The following ZRANB3 variants were observed in gnomAD, a reference collection of about 807,000 sequenced individuals.
ZRANB3 encodes the protein DNA annealing helicase and endonuclease ZRANB3.
A neutral mutation model predicts 133.8 loss-of-function variants in ZRANB3; 125 were observed. That is an observed-to-expected ratio of 0.93 (90% CI 0.81 to 1.08). ZRANB3 has a LOEUF of 1.08. Among genes scored for constraint, ZRANB3 ranks in the 50% least tolerant of loss-of-function variants. ZRANB3 has a pLI of 0.00. For missense variants in ZRANB3, 1,229 were observed against 1,275.5 expected (o/e 0.96, Z 0.56); for synonymous variants, 387 against 432.7 (o/e 0.89, Z 1.31).
At chr2:135,229,698 A>G (rs1422438264) in intron 13 of ZRANB3, among the ~76,000 whole-genome samples, 2 of 152,184 alleles carry the variant, frequency 1.3e-5, no homozygotes, top group African/African-American at 4.8e-5. Context: ...TGTATGATGC[A>G]AAATTAGATG....
At chr2:135,353,413 A>G (rs1685294114) in intron 4 of ZRANB3, 37 bp downstream of exon 4, 2 of 1,444,218 alleles carry the variant, frequency 1.4e-6, no homozygotes, top group East Asian at 4.9e-5. Flanking sequence ...CACACAAGGA[A>G]GACTTTTCTC....
At chr2:135,481,751 A>T (rs374762834) in intron 2 of ZRANB3, among the ~76,000 whole-genome samples, 1 of 148,508 alleles carries the variant, frequency 6.7e-6, no homozygotes, top group Non-Finnish European at 1.5e-5. Flanking sequence ...GGTTTTAGGT[A>T]TAACGTTTAA....
chr2:135,341,969 C>T (rs776120545), intron 6 of ZRANB3, among the ~76,000 whole-genome samples: 2 of 150,014 alleles, frequency 1.3e-5, no homozygotes, highest in African/African-American at 2.5e-5. Context: ...TAGTTTCACC[C>T]TGGCCTTATG....
chr2:135,462,135 T>C (rs1421659112), intron 2 of ZRANB3, among the ~76,000 whole-genome samples: 2 of 152,198 alleles, frequency 1.3e-5, no homozygotes, highest in Admixed American at 1.3e-4. Context: ...TACACATTCA[T>C]ACATATATAT....
At chr2:135,328,387 T>G (rs1346698793) in intron 6 of ZRANB3, among the ~76,000 whole-genome samples, 1 of 152,160 alleles carries the variant, frequency 6.6e-6, no homozygotes, top group South Asian at 2.1e-4. Context: ...GCAAAGGACA[T>G]GAACTCATCC....
At chr2:135,277,824 C>A (rs1300490159) in intron 8 of ZRANB3, among the ~76,000 whole-genome samples, 1 of 151,148 alleles carries the variant, frequency 6.6e-6, no homozygotes, top group Non-Finnish European at 1.5e-5. Flanking sequence ...ACTTGGGAGG[C>A]TGAGGCAGGA....
chr2:135,256,591 G>A (rs1473277627), intron 12 of ZRANB3, among the ~76,000 whole-genome samples: 4 of 152,146 alleles, frequency 2.6e-5, no homozygotes, highest in Non-Finnish European at 4.4e-5. Context: ...GTCTCCCAAA[G>A]TGCTGGGATT....
chr2:135,206,413 T>C (rs999337125), intron 19 of ZRANB3, among the ~76,000 whole-genome samples: 6 of 151,920 alleles, frequency 3.9e-5, no homozygotes, highest in Admixed American at 2.0e-4. Flanking sequence ...TAATTTTTTA[T>C]ACTTTTAGTA....
chr2:135,296,702 G>A (rs1396560113), intron 8 of ZRANB3, among the ~76,000 whole-genome samples: 1 of 152,094 alleles, frequency 6.6e-6, no homozygotes, highest in Non-Finnish European at 1.5e-5. Flanking sequence ...CCCCATTTTT[G>A]TGGTTTTATC....
At chr2:135,206,242 C>CTT (rs765946694) in intron 19 of ZRANB3, among the ~76,000 whole-genome samples, 2 of 144,192 alleles carry the variant, frequency 1.4e-5, no homozygotes, top group Non-Finnish European at 3.1e-5. Flanking sequence ...CTATAAAATA[C>CTT]TTTTTTTTTT....
Position 135,462,605 on chromosome 2 carries a change from C to CT in ZRANB3, c.161+41723dup, listed in dbSNP as rs1187115728. 1.6e-3 allele frequency among the ~76,000 whole-genome samples: 214 copies of CT among 134,186 alleles called. 1 individual carries two copies. The highest frequency in any genetic ancestry group is 4.8e-3 in the African/African-American group (173 of 35,780). The allele number at this position is 134,186 out of a possible 152,430, so 88.0% of individuals were successfully genotyped here. A position where few individuals can be genotyped will look rare whatever the true frequency, so the allele number is the denominator to read the frequency against. On this transcript the variant is annotated intron_variant, in intron 2 of 20. Transcript: ENST00000264159. ...TCCCTCTCTCTCTCTTTTTCTTTTTCTTTTTTTTTTTCAGTCTCCCTCTTT... is the reference window on the plus strand; with the variant it reads ...TCCCTCTCTCTCTCTTTTTCTTTTTCTTTTTTTTTTTTCAGTCTCCCTCTTT...
intron 14 of ZRANB3, among the ~76,000 whole-genome samples, chr2:135,226,671 C>T (rs1694772538): frequency 1.3e-5 from 2 of 152,182 alleles, no homozygotes; most frequent in Non-Finnish European, 2.9e-5. Flanking sequence ...CAATACTTCC[C>T]TGCCATAGAT....
At chr2:135,278,018 A>G (rs1358275110) in intron 8 of ZRANB3, among the ~76,000 whole-genome samples, 1 of 152,094 alleles carries the variant, frequency 6.6e-6, no homozygotes, top group African/African-American at 2.4e-5. Flanking sequence ...TATGAATAAT[A>G]AAAGTCTCAG....
At chr2:135,260,923 A>T (rs1373124910) in intron 12 of ZRANB3, among the ~76,000 whole-genome samples, 6 of 146,282 alleles carry the variant, frequency 4.1e-5, no homozygotes, top group Non-Finnish European at 9.0e-5. Flanking sequence ...ATATATAAAG[A>T]TTTTGTATTT....
chr2:135,298,318 G>A (rs1682255476), intron 8 of ZRANB3, among the ~76,000 whole-genome samples: 3 of 152,122 alleles, frequency 2.0e-5, no homozygotes, highest in Admixed American at 2.0e-4. Flanking sequence ...TTCTTTTTCT[G>A]GCACTTCAGA....
chr2:135,442,029 TATATAA>T (rs1689803547), intron 2 of ZRANB3, among the ~76,000 whole-genome samples: 1 of 152,098 alleles, frequency 6.6e-6, no homozygotes, highest in South Asian at 2.1e-4. Flanking sequence ...CCTTACACCT[TATATAA>T]AAATTAACTC....
chr2:135,468,261 T>C (rs771246361), intron 2 of ZRANB3, among the ~76,000 whole-genome samples: 13 of 152,226 alleles, frequency 8.5e-5, no homozygotes, highest in Non-Finnish European at 1.8e-4. Context: ...CTCTTCTGTA[T>C]AATGTTTCCC....
chr2:135,510,555 T>C lies in ZRANB3; in HGVS notation c.-7-6059A>G, dbSNP rs1175428670. On this transcript the variant is annotated intron_variant, in intron 1 of 20. Transcript: ENST00000264159. ...GAAGATCCATGAAGATTCACTGCCA[T>C]GGAGCAAGCCTTCTTCCCACTCCAA... The C allele has an allele frequency of 1.9e-5, 13 of 676,618 alleles. No individual in the cohort carries two copies. In the African/African-American group the frequency reaches 2.0e-4, roughly 10 times the overall value. The allele number at this position is 676,618 out of a possible 1,614,324, so 41.9% of individuals were successfully genotyped here. A position where few individuals can be genotyped will look rare whatever the true frequency, so the allele number is the denominator to read the frequency against.
intron 8 of ZRANB3, among the ~76,000 whole-genome samples, chr2:135,291,940 G>A (rs967331930): frequency 9.9e-5 from 15 of 152,228 alleles, no homozygotes; most frequent in South Asian, 2.1e-4. Context: ...ATTTTTTAGG[G>A]CTGCATAGTA....
Sources: gnomAD v4.1 joint callset for allele counts (sites outside exome capture counted in the v4.1 genomes callset) on GRCh38, gnomAD v4.1.1 for gene constraint, MANE v1.5 for transcripts, NCBI Gene and HGNC (gene_info 2026-07-23, HGNC 2026-07-21) for gene names.